DNAH9: variants seen among roughly 807,000 people sequenced by gnomAD.
DNAH9 encodes DNAH9 variant protein.
DNAH9 carries 345 observed loss-of-function variants against 471.6 expected under a neutral mutation model. That is an observed-to-expected ratio of 0.73 (90% CI 0.67 to 0.80). The LOEUF (loss-of-function observed/expected upper bound fraction) is 0.80, where lower values mean the gene tolerates loss of function less well. Among genes scored for constraint, DNAH9 ranks in the 30% least tolerant of loss-of-function variants. The pLI is 0.00. For synonymous variants in DNAH9, 2,093 were observed against 2,123.6 expected (o/e 0.99, Z 0.40); for missense variants, 5,407 against 5,609.2 (o/e 0.96, Z 1.15).
At chr17:11,942,226 TC>T (rs1974943288) in intron 66 of DNAH9, 76 bp from the exon 67 acceptor site, 2 of 1,549,330 alleles carry the variant, frequency 1.3e-6, no homozygotes, top group Non-Finnish European at 1.8e-6. Context: ...GCATCTCTAG[TC>T]CCACACTGCA....
At chr17:11,874,895 G>T in intron 52 of DNAH9, 54 bp from the exon 53 acceptor site, 1 of 1,344,608 alleles carries the variant, frequency 7.4e-7, no homozygotes, top group South Asian at 1.2e-5. Context: ...ATTCATCCCA[G>T]CTGAGAATGT....
In DNAH9 at chr17:11,807,753, G is replaced by A; in HGVS notation, c.8442G>A (p.Leu2814=). Residue 2814 remains leucine (L), a synonymous_variant, in exon 44 of 69, where the codon TTG becomes TTA. Coordinates refer to ENST00000262442, the MANE Select transcript of DNAH9 (RefSeq NM_001372.4). ...TTAGCTGCCATATCAATCGCATCTT[G>A]GAGTCCCCGCGGGGAAATGCTCTGC... The part of the protein sequence containing the change: ...MRHVCHINRI[L]ESPRGNALLV... The A allele has an allele frequency of 6.2e-7, 1 of 1,610,748 alleles. No individual in the cohort carries two copies. Among genetic ancestry groups the A allele is most frequent in the Non-Finnish European group, 8.5e-7 (1 of 1,177,350 alleles).
chr17:11,701,019 T>C, intron 23 of DNAH9, 103 bp from the exon 24 acceptor site: 1 of 1,263,954 alleles, frequency 7.9e-7, no homozygotes, highest in Non-Finnish European at 1.1e-6. Flanking sequence ...ATACAATGTG[T>C]GGGCTCCCTT....
rs1439027967 is a variant in DNAH9, at chr17:11,667,933, G to A, written c.2732-1131G>A. Among the ~76,000 whole-genome samples the A allele has an allele frequency of 2.0e-5, 3 of 152,192 alleles. No homozygotes were observed. The East Asian group carries it at 5.8e-4, about 29-fold the overall frequency. ...CTCTATTTCAAGGGAAGAAGACAAC[G>A]ATGGATTTCAGTGAACAGGCTCTGC... On this transcript the variant is annotated intron_variant, in intron 15 of 68. Coordinates refer to ENST00000262442, the MANE Select transcript of DNAH9 (RefSeq NM_001372.4).
intron 26 of DNAH9, among the ~76,000 whole-genome samples, chr17:11,710,340 T>C (rs1398985952): frequency 2.6e-5 from 4 of 152,144 alleles, no homozygotes; most frequent in Admixed American, 1.3e-4. Flanking sequence ...AACTCACTTA[T>C]ATGTACAATT....
intron 10 of DNAH9, among the ~76,000 whole-genome samples, chr17:11,642,453 G>A (rs900904072): frequency 6.6e-6 from 1 of 152,170 alleles, no homozygotes; most frequent in Non-Finnish European, 1.5e-5. Flanking sequence ...TCAGGACGCT[G>A]AGGCAGGAGA....
chr17:11,679,348 C>A lies in DNAH9; in HGVS notation c.3354-409C>A, dbSNP rs771997295. On this transcript the variant is annotated intron_variant, in intron 17 of 68. Coordinates refer to ENST00000262442, the MANE Select transcript of DNAH9 (RefSeq NM_001372.4). Reference sequence around the variant, plus strand: ...TTTCACAAAGCAATGCTATCGCAAGCCATAATTCTCATGTTATCCAGTTCA... The same window carrying A: ...TTTCACAAAGCAATGCTATCGCAAGACATAATTCTCATGTTATCCAGTTCA... Among the ~76,000 whole-genome samples the A allele has an allele frequency of 1.2e-4, 18 of 152,220 alleles. 1 individual carries two copies. Among genetic ancestry groups the A allele is most frequent in the Non-Finnish European group, 1.8e-4 (12 of 68,044 alleles).
chr17:11,721,362 A>G (rs750676083), intron 27 of DNAH9, among the ~76,000 whole-genome samples: 63 of 152,146 alleles, frequency 4.1e-4, no homozygotes, highest in Non-Finnish European at 7.9e-4. Flanking sequence ...CACAGGTTAG[A>G]ACATCATAAA....
chr17:11,743,309 A>G (rs998912492), intron 30 of DNAH9, among the ~76,000 whole-genome samples: 1 of 152,198 alleles, frequency 6.6e-6, no homozygotes, highest in African/African-American at 2.4e-5. Flanking sequence ...GATATTTCTC[A>G]GACAAGTCTC....
intron 60 of DNAH9, among the ~76,000 whole-genome samples, chr17:11,903,223 C>G (rs1973474263): frequency 6.6e-6 from 1 of 152,158 alleles, no homozygotes; most frequent in Non-Finnish European, 1.5e-5. Flanking sequence ...CCTGTAATCC[C>G]AGCTACTCTG....
intron 56 of DNAH9, among the ~76,000 whole-genome samples, chr17:11,884,785 G>A (rs1972829610): frequency 6.6e-6 from 1 of 152,120 alleles, no homozygotes; most frequent in Non-Finnish European, 1.5e-5. Context: ...GGGGGCATGA[G>A]AGTTTGTAAA....
rs758671185 is a variant in DNAH9 at position 11,891,869 on chromosome 17, C to T, written c.11205C>T (p.Thr3735=). The change falls in exon 58 of 69, where the codon ACC becomes ACT. Residue 3735 remains threonine (T), a synonymous_variant. Transcript: ENST00000262442. ...TGGCCAACCTAATAGACAGCATAACCTTCTCTGTGTACCAGTACACCATCC... is the reference window on the plus strand; with the variant it reads ...TGGCCAACCTAATAGACAGCATAACTTTCTCTGTGTACCAGTACACCATCC... ...ERVANLIDSI[T]FSVYQYTIRG... is the part of the protein sequence containing the mutation. 1.4e-5 allele frequency: 23 copies of T among 1,613,996 alleles called. No homozygotes were observed. The highest frequency in any genetic ancestry group is 1.3e-4 in the Admixed American group (8 of 59,990).
chr17:11,905,044 C>T (rs1187279724), intron 60 of DNAH9, among the ~76,000 whole-genome samples: 1 of 151,668 alleles, frequency 6.6e-6, no homozygotes, highest in African/African-American at 2.4e-5. Context: ...CCATCCTGGC[C>T]AACATGGTGA....
intron 60 of DNAH9, among the ~76,000 whole-genome samples, chr17:11,905,372 G>T (rs1265154182): frequency 6.6e-6 from 1 of 152,184 alleles, no homozygotes; most frequent in Admixed American, 6.5e-5. Flanking sequence ...TGTCCTGATT[G>T]GTGGGGTGAT....
At chr17:11,894,078 G>T (rs893294440) in intron 58 of DNAH9, among the ~76,000 whole-genome samples, 1 of 152,046 alleles carries the variant, frequency 6.6e-6, no homozygotes, top group Non-Finnish European at 1.5e-5. Flanking sequence ...CAATTAGATT[G>T]CAGAAACATA....
At chr17:11,635,443 A>G (rs936253003) in intron 8 of DNAH9, among the ~76,000 whole-genome samples, 4 of 151,046 alleles carry the variant, frequency 2.6e-5, no homozygotes, top group Non-Finnish European at 5.9e-5. Flanking sequence ...GTCCTTCCAA[A>G]GTACTGGGAT....
Position 11,961,958 on chromosome 17 carries a change from C to A in DNAH9, c.12935C>A (p.Pro4312His). 6.2e-7 allele frequency: 1 copy of A among 1,614,192 alleles called. No individual in the cohort carries two copies. ...GAGTCCTGGGCTAGACGAGCCTACC[C>A]TTCCACAGCAGGCCTGGCAGCCTGG... is the stretch of plus-strand genomic sequence containing the variant. ...VPESWARRAY[P>H]STAGLAAWFP... The change falls in exon 68 of 69, where the codon CCT (proline) becomes CAT (histidine). Residue 4312 changes from proline to histidine, a missense_variant. Pro to His is a moderately conservative substitution (Grantham distance 77). Around this residue, in one of 3 missense-constraint regions of DNAH9, gnomAD observed 4,636 missense variants for 4,900.3 expected, o/e 0.95. Coordinates refer to ENST00000262442, the MANE Select transcript of DNAH9 (RefSeq NM_001372.4).
chr17:11,631,767 A>G (rs2150673478), intron 7 of DNAH9, among the ~76,000 whole-genome samples: 1 of 152,272 alleles, frequency 6.6e-6, no homozygotes, highest in Non-Finnish European at 1.5e-5. Context: ...AAGAAGAAAC[A>G]TGCCAAAATG....
At chr17:11,650,967 A>G in intron 12 of DNAH9, 102 bp from the exon 13 acceptor site, 3 of 1,267,006 alleles carry the variant, frequency 2.4e-6, no homozygotes. Context: ...GAAAAGACCC[A>G]GAAGATCTTT....
Sources: gnomAD v4.1 joint callset for allele counts (sites outside exome capture counted in the v4.1 genomes callset) on GRCh38, gnomAD v4.1.1 for gene constraint, gnomAD v4.1.1 regional missense constraint, MANE v1.5 for transcripts, NCBI Gene and HGNC (gene_info 2026-07-23, HGNC 2026-07-21) for gene names.